Variants in FGF12 observed in about 807,000 individuals in gnomAD.
The protein encoded by FGF12 is fibroblast growth factor 12B.
A neutral mutation model predicts 23.6 loss-of-function variants in FGF12; 14 were observed. The observed-to-expected ratio is 0.59, with a 90% confidence interval of 0.39 to 0.93. FGF12 has a LOEUF of 0.93. Ranked by LOEUF, FGF12 falls within the 40% of genes least tolerant of loss-of-function variation. The pLI is 0.00. For missense variants in FGF12, 175 were observed against 217.8 expected, an observed-to-expected ratio of 0.80 and a Z score of 1.24; for synonymous variants, 62 against 77.3, an observed-to-expected ratio of 0.80 and a Z score of 1.04.
intron 2 of FGF12, among the ~76,000 whole-genome samples, chr3:192,685,569 C>T (rs779346846): frequency 7.9e-5 from 12 of 151,896 alleles, no homozygotes; most frequent in Non-Finnish European, 1.6e-4. Flanking sequence ...TCTTAGGTAT[C>T]GTGAGAGAGT....
chr3:192,272,806 A>C (rs1713531719), intron 4 of FGF12, among the ~76,000 whole-genome samples: 1 of 152,178 alleles, frequency 6.6e-6, no homozygotes, highest in Non-Finnish European at 1.5e-5. Flanking sequence ...TCATGGATGT[A>C]AGGAAAGATC....
chr3:192,160,390 C>T lies in FGF12; in HGVS notation c.427+10068G>A, dbSNP rs74521982. ...TTTCTTGCTCATTATTAGGCATCCTCGGAGTCTATAAAAGCCTTTGGAATC... is the reference window on the plus strand; with the variant it reads ...TTTCTTGCTCATTATTAGGCATCCTTGGAGTCTATAAAAGCCTTTGGAATC... On this transcript the variant is annotated intron_variant, in intron 5 of 5. Coordinates refer to ENST00000445105, the MANE Select transcript of FGF12 (RefSeq NM_004113.6). 2.0e-3 allele frequency among the ~76,000 whole-genome samples: 306 copies of T among 152,236 alleles called. 3 individuals are homozygous for T. The highest frequency in any genetic ancestry group is 6.6e-3 in the African/African-American group (275 of 41,558).
At chr3:192,511,016 T>C (rs1299717062) in intron 2 of FGF12, among the ~76,000 whole-genome samples, 1 of 152,194 alleles carries the variant, frequency 6.6e-6, no homozygotes, top group African/African-American at 2.4e-5. Flanking sequence ...TGAGGTTTTT[T>C]TTGCCTACAG....
chr3:192,382,506 G>A (rs1032648757), intron 2 of FGF12, among the ~76,000 whole-genome samples: 2 of 151,912 alleles, frequency 1.3e-5, no homozygotes, highest in African/African-American at 4.8e-5. Flanking sequence ...CCAATTCTTA[G>A]TGTGGTCTTC....
At chr3:192,417,850 G>T (rs536866122) in intron 2 of FGF12, among the ~76,000 whole-genome samples, 2 of 152,134 alleles carry the variant, frequency 1.3e-5, no homozygotes, top group Admixed American at 1.3e-4. Context: ...AAACATCATA[G>T]TTTCAGGCAA....
At chr3:192,226,770 A>G (rs1039829505) in intron 4 of FGF12, among the ~76,000 whole-genome samples, 1 of 152,090 alleles carries the variant, frequency 6.6e-6, no homozygotes, top group Non-Finnish European at 1.5e-5. Context: ...AAATGCCAAG[A>G]GACTGAATGT....
intron 4 of FGF12, among the ~76,000 whole-genome samples, chr3:192,300,872 G>T (rs1246870260): frequency 6.6e-6 from 1 of 152,070 alleles, no homozygotes; most frequent in Non-Finnish European, 1.5e-5. Context: ...ACAAAAATTA[G>T]TTGGGTGTGG....
At chr3:192,331,569 G>A (rs140067064) in intron 4 of FGF12, among the ~76,000 whole-genome samples, 285 of 152,120 alleles carry the variant, frequency 1.9e-3, no homozygotes, top group African/African-American at 6.5e-3. Flanking sequence ...AGAACATTAC[G>A]CTAAGTGAAA....
At chr3:192,585,794 T>C (rs909362670) in intron 2 of FGF12, among the ~76,000 whole-genome samples, 1 of 152,130 alleles carries the variant, frequency 6.6e-6, no homozygotes, top group African/African-American at 2.4e-5. Context: ...GATAACTGTA[T>C]TTATAGCAAT....
In FGF12 at chr3:192,514,850, A is replaced by C; in HGVS notation, c.14-154312T>G. On this transcript the variant is annotated intron_variant, in intron 2 of 5. Coordinates refer to ENST00000445105, the MANE Select transcript of FGF12 (RefSeq NM_004113.6). The surrounding 1 kb of genome is among the most constrained non-coding windows in gnomAD (Gnocchi z 4.9). ...GCCTGTCTTCGGAAGCCGGGTCCCG[A>C]GTCCATCGCGCGCGCCCAGGTGGAG... is the stretch of plus-strand genomic sequence containing the variant. 1.0e-6 allele frequency: 1 copy of C among 985,228 alleles called. No individual in the cohort carries two copies. Among genetic ancestry groups the C allele is most frequent in the Non-Finnish European group, 1.2e-6 (1 of 829,852 alleles). 61.0% of individuals were successfully genotyped at this position (985,228 alleles called of 1,614,324 possible).
intron 2 of FGF12, among the ~76,000 whole-genome samples, chr3:192,384,097 A>G (rs557952904): frequency 6.6e-6 from 1 of 152,360 alleles, no homozygotes; most frequent in South Asian, 2.1e-4. Context: ...AAGAAGTCAC[A>G]TAAATGAGGG....
At chr3:192,491,960 T>C (rs1309240040) in intron 2 of FGF12, among the ~76,000 whole-genome samples, 3 of 152,134 alleles carry the variant, frequency 2.0e-5, no homozygotes, top group Non-Finnish European at 2.9e-5. Context: ...AACACAATGG[T>C]AGGTGTACAA....
chr3:192,360,739 G>A lies in FGF12; in HGVS notation c.14-201C>T, dbSNP rs982875153. The A allele has an allele frequency of 3.5e-6, 2 of 565,658 alleles. No homozygotes were observed. The highest frequency in any genetic ancestry group is 6.3e-6 in the Non-Finnish European group (2 of 316,392). The allele number at this position is 565,658 out of a possible 1,614,324, so 35.0% of individuals were successfully genotyped here. On this transcript the variant is annotated intron_variant, in intron 2 of 5. Coordinates refer to ENST00000445105, the MANE Select transcript of FGF12 (RefSeq NM_004113.6). The surrounding 1 kb of genome is among the most constrained non-coding windows in gnomAD (Gnocchi z 4.3). Reference sequence around the variant, plus strand: ...AGGTAGAGCTTTAACACTTTTAGCAGTAAACTAAATGCAAATAAATAAAAG... The same window carrying A: ...AGGTAGAGCTTTAACACTTTTAGCAATAAACTAAATGCAAATAAATAAAAG...
chr3:192,552,806 G>A (rs1343209888), intron 2 of FGF12, among the ~76,000 whole-genome samples: 3 of 151,998 alleles, frequency 2.0e-5, no homozygotes, highest in Admixed American at 1.3e-4. Context: ...CATGAAAATC[G>A]CTTGAACCTG....
intron 2 of FGF12, among the ~76,000 whole-genome samples, chr3:192,513,116 T>TA (rs1724543047): frequency 6.6e-6 from 1 of 151,892 alleles, no homozygotes; most frequent in Admixed American, 6.6e-5. Context: ...TACACAGTTT[T>TA]AAAATTTTCA....
intron 4 of FGF12, among the ~76,000 whole-genome samples, chr3:192,319,476 A>C (rs1716414813): frequency 6.6e-6 from 1 of 152,076 alleles, no homozygotes; most frequent in Non-Finnish European, 1.5e-5. Flanking sequence ...GCATGCCTGT[A>C]ATCCCAGCTA....
At chr3:192,222,597 T>G (rs574863788) in intron 4 of FGF12, among the ~76,000 whole-genome samples, 54 of 152,232 alleles carry the variant, frequency 3.5e-4, no homozygotes, top group Non-Finnish European at 7.2e-4. Context: ...AAAATATGTC[T>G]CTCCTCCACA....
At chr3:192,557,717 T>C (rs1446902256) in intron 2 of FGF12, among the ~76,000 whole-genome samples, 1 of 151,854 alleles carries the variant, frequency 6.6e-6, no homozygotes, top group Non-Finnish European at 1.5e-5. Flanking sequence ...ATCATGTATT[T>C]ATTACCAGGT....
At chr3:192,186,624 C>T (rs1577215331) in intron 4 of FGF12, among the ~76,000 whole-genome samples, 1 of 152,200 alleles carries the variant, frequency 6.6e-6, no homozygotes, top group East Asian at 1.9e-4. Context: ...TGTGTGTATA[C>T]TGCTACTTTA....
Sources: gnomAD v4.1 joint callset for allele counts (sites outside exome capture counted in the v4.1 genomes callset) on GRCh38, gnomAD v4.1.1 for gene constraint, Gnocchi (gnomAD v3.1) non-coding constraint, MANE v1.5 for transcripts, NCBI Gene and HGNC (gene_info 2026-07-23, HGNC 2026-07-21) for gene names.